Variants in ZNF793 observed in about 807,000 individuals in gnomAD.
ZNF793 encodes zinc finger protein 793.
Under a neutral mutation model 12.4 loss-of-function variants are expected in ZNF793, and 5 were observed. That is an observed-to-expected ratio of 0.40 (90% confidence interval 0.21 to 0.84). The LOEUF is 0.84. Among genes scored for constraint, ZNF793 ranks in the 40% least tolerant of loss-of-function variants. The probability of loss-of-function intolerance (pLI) is 0.35; values close to 1 mark genes in which losing one functional copy is unlikely to be tolerated. For synonymous variants in ZNF793, 162 were observed against 172.4 expected (o/e 0.94, Z 0.47); for missense variants, 456 against 495.0 (o/e 0.92, Z 0.75).
At chr19:37,528,230 T>C (rs1013186225) in intron 5 of ZNF793, among the ~76,000 whole-genome samples, 1 of 152,158 alleles carries the variant, frequency 6.6e-6, no homozygotes, top group African/African-American at 2.4e-5. Flanking sequence ...TCCTCTCCTA[T>C]GGAAGTCCCA....
chr19:37,527,284 C>G (rs1190364956), intron 5 of ZNF793, among the ~76,000 whole-genome samples: 1 of 152,100 alleles, frequency 6.6e-6, no homozygotes, highest in African/African-American at 2.4e-5. Flanking sequence ...GAACTCCTGA[C>G]CTCAGGTGAT....
intron 6 of ZNF793, 146 bp downstream of exon 6, chr19:37,532,628 T>A: frequency 1.2e-6 from 1 of 840,370 alleles, no homozygotes. Flanking sequence ...CTGGCCAGCA[T>A]GGTGAAACCC....
intron 4 of ZNF793, 82 bp from the exon 5 acceptor site, chr19:37,523,328 C>T (rs1255804738): frequency 9.8e-6 from 11 of 1,124,484 alleles, no homozygotes; most frequent in African/African-American, 4.7e-5. Flanking sequence ...AGGGAATTTG[C>T]AATTTCCAAG....
At chr19:37,525,711 G>A (rs111437830) in intron 5 of ZNF793, among the ~76,000 whole-genome samples, 5,134 of 152,012 alleles carry the variant, frequency 0.034, 295 homozygotes, top group African/African-American at 0.12. Context: ...GTGAGCCACC[G>A]TGCCTGGCCA....
intron 2 of ZNF793, among the ~76,000 whole-genome samples, chr19:37,511,920 C>T (rs2042297293): frequency 6.6e-6 from 1 of 151,992 alleles, no homozygotes; most frequent in Non-Finnish European, 1.5e-5. Context: ...CCATTGACTA[C>T]AGAGACCTGA....
intron 2 of ZNF793, among the ~76,000 whole-genome samples, chr19:37,511,402 C>T (rs115180343): frequency 0.011 from 1,626 of 152,134 alleles, 29 homozygotes; most frequent in African/African-American, 0.037. Context: ...AGCTGAATGC[C>T]GGGCGTGGTG....
intron 3 of ZNF793, among the ~76,000 whole-genome samples, chr19:37,521,451 T>TTTG (rs2042375491): frequency 6.7e-6 from 1 of 148,682 alleles, no homozygotes; most frequent in Non-Finnish European, 1.5e-5. Flanking sequence ...TTTTTTTTTT[T>TTTG]TGAGACAGAG....
chr19:37,525,262 C>T (rs2147086224), intron 5 of ZNF793, among the ~76,000 whole-genome samples: 1 of 152,010 alleles, frequency 6.6e-6, no homozygotes, highest in Admixed American at 6.5e-5. Context: ...CCTCAGCCTC[C>T]TGAGTAGCTG....
rs35675130 is a variant in ZNF793 at position 37,517,456 on chromosome 19, C to CA, written c.-275-2708dup. Among the ~76,000 whole-genome samples the CA allele has an allele frequency of 3.0e-3, 324 of 109,732 alleles. 3 individuals carry two copies. The highest frequency in any genetic ancestry group is 4.5e-3 in the Admixed American group (47 of 10,456). 72.0% of individuals were successfully genotyped at this position (109,732 alleles called of 152,430 possible). A position where few individuals can be genotyped will look rare whatever the true frequency, so the allele number is the denominator to read the frequency against. On this transcript the variant is annotated intron_variant, in intron 2 of 7. Transcript: ENST00000627814. ...GGGCAACAAGAGAGAAACTCTGTCT[C>CA]AAAAAAAAAAAAAAAAAAAATGTGC...
intron 2 of ZNF793, among the ~76,000 whole-genome samples, chr19:37,515,913 G>A (rs2042328445): frequency 6.6e-6 from 1 of 151,702 alleles, no homozygotes; most frequent in South Asian, 2.1e-4. Context: ...AATTGTAACA[G>A]AATAATTCTG....
chr19:37,510,512 T>A (rs1426739332), intron 2 of ZNF793, among the ~76,000 whole-genome samples: 1 of 125,096 alleles, frequency 8.0e-6, no homozygotes, highest in Non-Finnish European at 1.7e-5. Context: ...TGAAACTCCA[T>A]CTCAAAAAAA....
chr19:37,522,275 G>A (rs2042381999), intron 3 of ZNF793, among the ~76,000 whole-genome samples: 2 of 152,116 alleles, frequency 1.3e-5, no homozygotes, highest in South Asian at 4.1e-4. Flanking sequence ...TTGGCTCACT[G>A]CAACCTCTGC....
In ZNF793 at chr19:37,540,279, A is replaced by AAG. The variant is rs1555711855; in HGVS notation, c.*2401_*2402insGA. The AAG allele has an allele frequency of 2.0e-5, 3 of 151,144 alleles. No individual in the cohort carries two copies. Among genetic ancestry groups the AAG allele is most frequent in the South Asian group, 2.1e-4 (1 of 4,772 alleles). 9.4% of individuals were successfully genotyped at this position (151,144 alleles called of 1,614,324 possible). On this transcript the variant is annotated 3_prime_UTR_variant, in exon 8 of 8. Transcript: ENST00000627814. ...CGAAACTCCGTCAAAAAAAAAAAAA[A>AAG]AAAAAGAAAACTTCAGACCAGTCTT...
chr19:37,523,526 T>TAC, intron 5 of ZNF793, 72 bp downstream of exon 5: 1 of 1,449,050 alleles, frequency 6.9e-7, no homozygotes, highest in Non-Finnish European at 9.7e-7. Context: ...AGGGTGTGCA[T>TAC]TGTAAGTATG....
chr19:37,541,480 ACTAGT>A lies in ZNF793; in HGVS notation c.*3604_*3608del, dbSNP rs2042551519. On this transcript the variant is annotated 3_prime_UTR_variant, in exon 8 of 8. Transcript: ENST00000627814. ...GATCACCTGAGGTTAGGAGTTCAAG[ACTAGT>A]CTGGTCAACATGGTGAAACCCCATC... is the stretch of plus-strand genomic sequence containing the variant. 1 of 152,186 alleles carries A rather than the reference ACTAGT, an allele frequency of 6.6e-6. No homozygotes were observed. The highest frequency in any genetic ancestry group is 2.4e-5 in the African/African-American group (1 of 41,404). 9.4% of individuals were successfully genotyped at this position (152,186 alleles called of 1,614,324 possible).
At chr19:37,512,140 T>C (rs970264322) in intron 2 of ZNF793, among the ~76,000 whole-genome samples, 5 of 152,220 alleles carry the variant, frequency 3.3e-5, no homozygotes, top group African/African-American at 1.2e-4. Context: ...CTTTAATCTT[T>C]TCATCTTGCT....
intron 2 of ZNF793, among the ~76,000 whole-genome samples, chr19:37,509,407 T>C (rs527708980): frequency 9.2e-4 from 140 of 152,362 alleles, no homozygotes; most frequent in Admixed American, 2.0e-3. Context: ...AACAATATTT[T>C]AATTTTAAAA....
At chr19:37,512,625 GTC>G (rs1322638396) in intron 2 of ZNF793, among the ~76,000 whole-genome samples, 1 of 152,046 alleles carries the variant, frequency 6.6e-6, no homozygotes, top group African/African-American at 2.4e-5. Flanking sequence ...TTCTTTTTCT[GTC>G]TCTCTGTCTG....
chr19:37,539,390 CT>C lies in ZNF793; in HGVS notation c.*1512del, dbSNP rs750570553. ...AGACCACTGAAGGAGAATTTCTTTT[CT>C]CTCTATCCCTCTGCAAATTAATTCA... On this transcript the variant is annotated 3_prime_UTR_variant, in exon 8 of 8. Coordinates refer to ENST00000627814, the MANE Select transcript of ZNF793 (RefSeq NM_001013659.3). 4.6e-5 allele frequency: 7 copies of C among 152,170 alleles called. No homozygotes were observed. In the East Asian group the frequency reaches 1.2e-3, roughly 25 times the overall value. 9.4% of individuals were successfully genotyped at this position (152,170 alleles called of 1,614,324 possible).
Sources: gnomAD v4.1 joint callset for allele counts (sites outside exome capture counted in the v4.1 genomes callset) on GRCh38, gnomAD v4.1.1 for gene constraint, MANE v1.5 for transcripts, NCBI Gene and HGNC (gene_info 2026-07-23, HGNC 2026-07-21) for gene names.